The following PTPRR variants were observed in gnomAD, a reference collection of about 807,000 sequenced individuals.
The protein encoded by PTPRR is receptor-type tyrosine-protein phosphatase R.
PTPRR carries 38 observed loss-of-function variants against 77.2 expected under a neutral mutation model. The ratio of observed to expected loss-of-function variants is 0.49; its 90% CI spans 0.38 to 0.65. The LOEUF is 0.65. Among genes scored for constraint, PTPRR ranks in the 30% least tolerant of loss-of-function variants. The pLI is 0.00. For synonymous variants in PTPRR, 299 were observed against 283.1 expected, an observed-to-expected ratio of 1.06 and a Z score of -0.57; for missense variants, 744 against 799.2, an observed-to-expected ratio of 0.93 and a Z score of 0.83.
chr12:70,919,691 T>TG (rs1893826578), intron 1 of PTPRR, among the ~76,000 whole-genome samples: 1 of 142,874 alleles, frequency 7.0e-6, no homozygotes, highest in Non-Finnish European at 1.6e-5. Flanking sequence ...TTTTTTTTTT[T>TG]TTTTTTTTTT....
At chr12:70,780,777 T>A (rs1891187697) in intron 2 of PTPRR, among the ~76,000 whole-genome samples, 1 of 152,202 alleles carries the variant, frequency 6.6e-6, no homozygotes, top group Admixed American at 6.5e-5. Flanking sequence ...TATAATAATA[T>A]TCCTGGATTC....
At chr12:70,649,725 C>T (rs1207372866) in intron 13 of PTPRR, among the ~76,000 whole-genome samples, 1 of 152,108 alleles carries the variant, frequency 6.6e-6, no homozygotes, top group Non-Finnish European at 1.5e-5. Context: ...CAGGTGTGCA[C>T]CACCATGCCT....
At chr12:70,693,775 G>T (rs1233043315) in intron 8 of PTPRR, among the ~76,000 whole-genome samples, 2 of 151,512 alleles carry the variant, frequency 1.3e-5, no homozygotes, top group Non-Finnish European at 2.9e-5. Flanking sequence ...TGTTATAAAT[G>T]AATGAAAATG....
chr12:70,820,916 A>C (rs1293995713), intron 2 of PTPRR, among the ~76,000 whole-genome samples: 1 of 152,072 alleles, frequency 6.6e-6, no homozygotes, highest in Non-Finnish European at 1.5e-5. Context: ...ATAAGTCCTC[A>C]ACTCTCTTTG....
intron 1 of PTPRR, among the ~76,000 whole-genome samples, chr12:70,915,404 A>G (rs182311858): frequency 1.6e-4 from 24 of 152,302 alleles, no homozygotes; most frequent in African/African-American, 4.8e-4. Context: ...GTGAGGTGCT[A>G]TTCTATTGGA....
chr12:70,686,000 G>A (rs1049888339), intron 8 of PTPRR, among the ~76,000 whole-genome samples: 3 of 152,158 alleles, frequency 2.0e-5, no homozygotes, highest in Non-Finnish European at 4.4e-5. Flanking sequence ...GCTCTCATGC[G>A]AAGATAGCTA....
chr12:70,842,069 TAAA>T (rs1487173715), intron 2 of PTPRR, among the ~76,000 whole-genome samples: 1 of 152,202 alleles, frequency 6.6e-6, no homozygotes, highest in Non-Finnish European at 1.5e-5. Flanking sequence ...TATTTCCTCT[TAAA>T]AAGCCCTACA....
At chr12:70,687,050 A>G (rs1887895068) in intron 8 of PTPRR, among the ~76,000 whole-genome samples, 1 of 152,126 alleles carries the variant, frequency 6.6e-6, no homozygotes, top group African/African-American at 2.4e-5. Context: ...CAGGTAGAGC[A>G]GGTAACAGCA....
chr12:70,813,244 G>A (rs1891841595), intron 2 of PTPRR, among the ~76,000 whole-genome samples: 1 of 152,178 alleles, frequency 6.6e-6, no homozygotes, highest in African/African-American at 2.4e-5. Flanking sequence ...ATGTTGATAT[G>A]CAATGTATAG....
chr12:70,697,477 G>T lies in PTPRR; in HGVS notation c.1279+788C>A, dbSNP rs11178372. 1.8e-3 allele frequency among the ~76,000 whole-genome samples: 271 copies of T among 152,200 alleles called. 5 individuals are homozygous for T. In the East Asian group the frequency reaches 0.049, roughly 28 times the overall value. On this transcript the variant is annotated intron_variant, in intron 8 of 13. Coordinates refer to ENST00000283228, the MANE Select transcript of PTPRR (RefSeq NM_002849.4). Reference sequence around the variant, plus strand: ...GCTACATGTCCCTTATTAGATACATGATTTGCAAATATTTATTTTCTTCCA... The same window carrying T: ...GCTACATGTCCCTTATTAGATACATTATTTGCAAATATTTATTTTCTTCCA...
At chr12:70,799,060 G>A (rs1891567101) in intron 2 of PTPRR, among the ~76,000 whole-genome samples, 1 of 152,084 alleles carries the variant, frequency 6.6e-6, no homozygotes. Flanking sequence ...GGCTCCATAA[G>A]CAATCTTTTA....
chr12:70,917,100 G>A (rs1160674691), intron 1 of PTPRR, among the ~76,000 whole-genome samples: 2 of 152,152 alleles, frequency 1.3e-5, no homozygotes, highest in African/African-American at 4.8e-5. Context: ...CAAAGGAAGA[G>A]GAGAAATGCT....
intron 2 of PTPRR, among the ~76,000 whole-genome samples, chr12:70,825,291 A>T (rs1892089849): frequency 6.6e-6 from 1 of 150,616 alleles, no homozygotes; most frequent in African/African-American, 2.4e-5. Flanking sequence ...AAAAATAAAA[A>T]TAAAAAATAA....
rs1885855776 is a variant in PTPRR at position 70,638,610 on chromosome 12, T to A, written c.*574A>T. The A allele has an allele frequency of 6.5e-6, 1 of 152,840 alleles. No homozygotes were observed. Among genetic ancestry groups the A allele is most frequent in the Non-Finnish European group, 1.5e-5 (1 of 68,256 alleles). The allele number at this position is 152,840 out of a possible 1,614,324, so 9.5% of individuals were successfully genotyped here. A position where few individuals can be genotyped will look rare whatever the true frequency, so the allele number is the denominator to read the frequency against. ...AATATTATCAAGACACATTTCCATA[T>A]AAAATAGTTACTGTTTTTGATTTTT... On this transcript the variant is annotated 3_prime_UTR_variant, in exon 14 of 14. Coordinates refer to ENST00000283228, the MANE Select transcript of PTPRR (RefSeq NM_002849.4).
chr12:70,753,967 C>T (rs925613880), intron 5 of PTPRR, among the ~76,000 whole-genome samples: 2 of 152,162 alleles, frequency 1.3e-5, no homozygotes, highest in Non-Finnish European at 2.9e-5. Flanking sequence ...TTACTAAAAA[C>T]TGCATTGCAA....
At chr12:70,882,761 G>T (rs1053853873) in intron 2 of PTPRR, among the ~76,000 whole-genome samples, 8 of 152,142 alleles carry the variant, frequency 5.3e-5, no homozygotes, top group Middle Eastern at 3.2e-3. Context: ...GTAAGCTCCA[G>T]ATCCTCATCT....
intron 2 of PTPRR, among the ~76,000 whole-genome samples, chr12:70,848,207 T>C (rs767671598): frequency 9.9e-5 from 15 of 152,224 alleles, no homozygotes; most frequent in Admixed American, 2.0e-4. Flanking sequence ...ACTTGATGTG[T>C]AGACAATCGT....
At chr12:70,831,334 A>G (rs968854293) in intron 2 of PTPRR, among the ~76,000 whole-genome samples, 3 of 152,306 alleles carry the variant, frequency 2.0e-5, no homozygotes, top group Admixed American at 6.5e-5. Flanking sequence ...GTACTACTTC[A>G]CTATTTTGAA....
intron 2 of PTPRR, among the ~76,000 whole-genome samples, chr12:70,787,794 A>C (rs141514611): frequency 6.6e-6 from 1 of 152,294 alleles, no homozygotes; most frequent in Non-Finnish European, 1.5e-5. Flanking sequence ...TGTTTTCTGC[A>C]ATATTGAATC....
Sources: gnomAD v4.1 joint callset for allele counts (sites outside exome capture counted in the v4.1 genomes callset) on GRCh38, gnomAD v4.1.1 for gene constraint, MANE v1.5 for transcripts, NCBI Gene and HGNC (gene_info 2026-07-23, HGNC 2026-07-21) for gene names.